The following FHIT variants were observed in gnomAD, a reference collection of about 807,000 sequenced individuals.
FHIT encodes bis(5'-adenosyl)-triphosphatase.
FHIT carries 19 observed loss-of-function variants against 17.9 expected under a neutral mutation model. The observed-to-expected ratio is 1.06, with a 90% CI of 0.74 to 1.56. FHIT has a LOEUF of 1.56. FHIT is among the 40% of genes most tolerant of loss of function. FHIT has a pLI of 0.00. For missense variants in FHIT, 248 were observed against 189.2 expected (o/e 1.31, Z -1.82); for synonymous variants, 81 against 69.7 (o/e 1.16, Z -0.81).
chr3:60,457,721 A>C (rs547706293), intron 5 of FHIT, among the ~76,000 whole-genome samples: 2 of 148,412 alleles, frequency 1.3e-5, no homozygotes, highest in Admixed American at 6.8e-5. Context: ...CAATGAACTC[A>C]AACAAATTTA....
At chr3:60,350,012 T>A (rs1485843949) in intron 5 of FHIT, among the ~76,000 whole-genome samples, 1 of 152,170 alleles carries the variant, frequency 6.6e-6, no homozygotes, top group Non-Finnish European at 1.5e-5. Flanking sequence ...GATAAAACAA[T>A]AGAAGACAAT....
intron 1 of FHIT, among the ~76,000 whole-genome samples, chr3:61,206,838 A>G (rs1270217513): frequency 2.0e-5 from 3 of 152,160 alleles, no homozygotes; most frequent in Non-Finnish European, 4.4e-5. Flanking sequence ...TGCCCTGGAC[A>G]GAACTTCCAA....
chr3:60,676,120 A>G (rs547810132), intron 4 of FHIT, among the ~76,000 whole-genome samples: 1 of 152,352 alleles, frequency 6.6e-6, no homozygotes, highest in East Asian at 1.9e-4. Flanking sequence ...AATAGCAGCT[A>G]AAGCTGACGG....
intron 5 of FHIT, among the ~76,000 whole-genome samples, chr3:60,057,693 G>GA (rs111902847): frequency 0.028 from 3,780 of 133,580 alleles, 56 homozygotes; most frequent in Non-Finnish European, 0.039. Flanking sequence ...CAGGCCTCTC[G>GA]AAAAAAAAAA....
At chr3:60,346,581 G>C (rs754851031) in intron 5 of FHIT, among the ~76,000 whole-genome samples, 3 of 152,162 alleles carry the variant, frequency 2.0e-5, no homozygotes, top group African/African-American at 4.8e-5. Flanking sequence ...GCTTTGCTGA[G>C]AGTTTGTTTT....
At chr3:60,462,947 C>T (rs547285779) in intron 5 of FHIT, among the ~76,000 whole-genome samples, 36 of 152,326 alleles carry the variant, frequency 2.4e-4, no homozygotes, top group Admixed American at 8.5e-4. Context: ...ATTGTCACAG[C>T]CTGATGTGCA....
chr3:61,072,976 A>G (rs950856903), intron 2 of FHIT, among the ~76,000 whole-genome samples: 13 of 152,164 alleles, frequency 8.5e-5, no homozygotes, highest in Non-Finnish European at 1.5e-4. Context: ...ACAGGACCCA[A>G]TTTCTCTAAT....
At position 60,484,716 on chromosome 3, in the gene FHIT, C is replaced by T. The variant is rs147421338; in HGVS notation, c.103+52144G>A. ...ATGTAAAACCCAAAACTATAAAAACCGTAGAACAAAACCTAGGCAATACCA... is the reference window on the plus strand; with the variant it reads ...ATGTAAAACCCAAAACTATAAAAACTGTAGAACAAAACCTAGGCAATACCA... On this transcript the variant is annotated intron_variant, in intron 5 of 9. Coordinates refer to ENST00000492590, the MANE Select transcript of FHIT (RefSeq NM_002012.4). Among the ~76,000 whole-genome samples, 575 of 152,094 alleles carry T rather than the reference C, an allele frequency of 3.8e-3. 6 individuals carry two copies. Among genetic ancestry groups the T allele is most frequent in the East Asian group, 0.029 (152 of 5,168 alleles).
At chr3:60,630,850 T>C (rs1430790373) in intron 4 of FHIT, among the ~76,000 whole-genome samples, 3 of 151,612 alleles carry the variant, frequency 2.0e-5, no homozygotes, top group African/African-American at 7.3e-5. Flanking sequence ...TAAATCAATG[T>C]CTTACCTGAG....
chr3:60,313,906 G>A (rs1455086139), intron 5 of FHIT, among the ~76,000 whole-genome samples: 1 of 152,146 alleles, frequency 6.6e-6, no homozygotes, highest in Non-Finnish European at 1.5e-5. Context: ...GCTGCTCTTG[G>A]CCCAAATGAG....
In FHIT at chr3:60,442,934, C is replaced by T. The variant is rs1373137772; in HGVS notation, c.103+93926G>A. The stretch of plus-strand genomic sequence containing the variant: ...GGAATGTTCTTCCATTTGTTTGTAT[C>T]CTCTTTTATTTCATTGAGCAGTGGT... On this transcript the variant is annotated intron_variant, in intron 5 of 9. Transcript: ENST00000492590. Among the ~76,000 whole-genome samples the T allele has an allele frequency of 3.9e-5, 6 of 152,028 alleles. No homozygotes were observed. In the South Asian group the frequency reaches 1.2e-3, roughly 32 times the overall value.
intron 5 of FHIT, among the ~76,000 whole-genome samples, chr3:60,475,571 G>C (rs1415259756): frequency 6.6e-6 from 1 of 152,210 alleles, no homozygotes; most frequent in East Asian, 1.9e-4. Flanking sequence ...CAGGGACCCA[G>C]GTAGTTTGCA....
intron 5 of FHIT, among the ~76,000 whole-genome samples, chr3:60,371,353 ATTTTCTTCT>A (rs1334457393): frequency 1.3e-5 from 2 of 148,896 alleles, no homozygotes; most frequent in Admixed American, 1.4e-4. Flanking sequence ...ATTATTAAAT[ATTTTCTTCT>A]AGCTTTTTTT....
In FHIT at chr3:60,982,214, G is replaced by C. The variant is rs1575792495; in HGVS notation, c.-111+59833C>G. On this transcript the variant is annotated intron_variant, in intron 3 of 9. Transcript: ENST00000492590. Reference sequence around the variant, plus strand: ...AAAGCCCTTGGCCCTGGCCTACGGGGCCTTCCAGGACTTGGCCCCAGCCTT... The same window carrying C: ...AAAGCCCTTGGCCCTGGCCTACGGGCCCTTCCAGGACTTGGCCCCAGCCTT... 2.0e-5 allele frequency among the ~76,000 whole-genome samples: 3 copies of C among 152,220 alleles called. No homozygotes were observed. The South Asian group carries it at 6.2e-4, about 32-fold the overall frequency.
In FHIT at chr3:60,559,435, T is replaced by C. The variant is rs146479710; in HGVS notation, c.-17-22456A>G. Reference sequence around the variant, plus strand: ...GTTACAGCTAAATTCCCTAAAGATATTTTCTCAAGTTACTGCTGCTGAGAT... The same window carrying C: ...GTTACAGCTAAATTCCCTAAAGATACTTTCTCAAGTTACTGCTGCTGAGAT... On this transcript the variant is annotated intron_variant, in intron 4 of 9. Coordinates refer to ENST00000492590, the MANE Select transcript of FHIT (RefSeq NM_002012.4). Among the ~76,000 whole-genome samples, 4 of 152,322 alleles carry C rather than the reference T, an allele frequency of 2.6e-5. No individual in the cohort carries two copies. In the East Asian group the frequency reaches 7.7e-4, roughly 29 times the overall value.
chr3:60,493,502 T>C (rs890187996), intron 5 of FHIT, among the ~76,000 whole-genome samples: 2 of 152,158 alleles, frequency 1.3e-5, no homozygotes, highest in Admixed American at 6.5e-5. Context: ...AGTCCCACTA[T>C]TGGGGAATAT....
At chr3:61,014,905 CAT>C (rs1338892494) in intron 3 of FHIT, among the ~76,000 whole-genome samples, 12 of 139,922 alleles carry the variant, frequency 8.6e-5, no homozygotes, top group South Asian at 2.3e-4. Context: ...CATCCATATA[CAT>C]ATATATATGT....
intron 7 of FHIT, among the ~76,000 whole-genome samples, chr3:59,927,635 G>T (rs1038401429): frequency 6.6e-6 from 1 of 151,894 alleles, no homozygotes; most frequent in Admixed American, 6.6e-5. Context: ...CAGGCGTGGT[G>T]GCACATGCCT....
At chr3:60,299,559 T>G (rs1015774388) in intron 5 of FHIT, among the ~76,000 whole-genome samples, 22 of 152,112 alleles carry the variant, frequency 1.4e-4, no homozygotes, top group African/African-American at 5.3e-4. Flanking sequence ...TGGGAAACAT[T>G]GGCTTTATTA....
Sources: gnomAD v4.1 joint callset for allele counts (sites outside exome capture counted in the v4.1 genomes callset) on GRCh38, gnomAD v4.1.1 for gene constraint, MANE v1.5 for transcripts, NCBI Gene and HGNC (gene_info 2026-07-23, HGNC 2026-07-21) for gene names.